GRB10: variants seen among roughly 807,000 people sequenced by gnomAD.
The protein encoded by GRB10 is growth factor receptor-bound protein 10.
A neutral mutation model predicts 80.9 loss-of-function variants in GRB10; 20 were observed. The observed-to-expected ratio is 0.25, with a 90% CI of 0.17 to 0.36. GRB10 has a LOEUF of 0.36. Among genes scored for constraint, GRB10 ranks in the 10% least tolerant of loss-of-function variants. The pLI is 1.00. For missense variants in GRB10, 548 were observed against 747.7 expected, an observed-to-expected ratio of 0.73 and a Z score of 3.12; for synonymous variants, 291 against 291.5, an observed-to-expected ratio of 1.00 and a Z score of 0.02.
intron 2 of GRB10, among the ~76,000 whole-genome samples, chr7:50,775,007 A>C (rs200937853): frequency 0.018 from 2,679 of 151,022 alleles, 42 homozygotes; most frequent in East Asian, 0.05. Flanking sequence ...AAACAAAAAA[A>C]AAAACTAGCT....
rs868071538 is a variant in GRB10, at chr7:50,676,341, G to C, written c.140-1683C>G. 4.4e-3 allele frequency among the ~76,000 whole-genome samples: 654 copies of C among 150,296 alleles called. 16 individuals carry two copies. The highest frequency in any genetic ancestry group is 8.9e-3 in the African/African-American group (366 of 41,326). On this transcript the variant is annotated intron_variant, in intron 5 of 18. Coordinates refer to ENST00000401949, the MANE Select transcript of GRB10 (RefSeq NM_001350814.2). ...GCAATAGTGTCCACCCCACCGGGGG[G>C]GGGGGGGGGTTGTAAGGACTAGGTT...
intron 4 of GRB10, among the ~76,000 whole-genome samples, chr7:50,730,379 T>C (rs2069469140): frequency 6.6e-6 from 1 of 152,232 alleles, no homozygotes; most frequent in Non-Finnish European, 1.5e-5. Flanking sequence ...GTTTTAAGAA[T>C]AAATTTTTCT....
intron 7 of GRB10, among the ~76,000 whole-genome samples, chr7:50,664,533 C>T (rs947430644): frequency 1.3e-5 from 2 of 152,210 alleles, no homozygotes; most frequent in East Asian, 3.9e-4. Flanking sequence ...GGCCCAAGTC[C>T]CAGGTCTCGG....
At chr7:50,785,271 G>A (rs2078645936), upstream of GRB10, among the ~76,000 whole-genome samples, 2 of 152,218 alleles carry the variant, frequency 1.3e-5, no homozygotes, top group African/African-American at 2.4e-5. Context: ...ATGTCCTTTT[G>A]AAAGTGGGAA....
chr7:50,752,605 G>A (rs1044968491), intron 3 of GRB10, among the ~76,000 whole-genome samples: 2 of 152,140 alleles, frequency 1.3e-5, no homozygotes, highest in Non-Finnish European at 2.9e-5. Flanking sequence ...TCATGATAAT[G>A]AGCCCTCCCC....
rs1221787092 is a variant in GRB10, at chr7:50,591,144, C to T, written c.*1808G>A. Reference sequence around the variant, plus strand: ...ATCTTACTGTCAATAGTTTGAAAGACTGACTGGCTGCGAAAGGAAGAAAAT... The same window carrying T: ...ATCTTACTGTCAATAGTTTGAAAGATTGACTGGCTGCGAAAGGAAGAAAAT... On this transcript the variant is annotated 3_prime_UTR_variant, in exon 19 of 19. Coordinates refer to ENST00000401949, the MANE Select transcript of GRB10 (RefSeq NM_001350814.2). 6.6e-6 allele frequency: 1 copy of T among 152,212 alleles called. No individual in the cohort carries two copies. Among genetic ancestry groups the T allele is most frequent in the Non-Finnish European group, 1.5e-5 (1 of 68,036 alleles). 9.4% of individuals were successfully genotyped at this position (152,212 alleles called of 1,614,324 possible). A position where few individuals can be genotyped will look rare whatever the true frequency, so the allele number is the denominator to read the frequency against.
At chr7:50,624,308 T>C (rs2052464744) in intron 8 of GRB10, among the ~76,000 whole-genome samples, 1 of 152,162 alleles carries the variant, frequency 6.6e-6, no homozygotes, top group Non-Finnish European at 1.5e-5. Context: ...AGGAATACCA[T>C]CCATGATAAA....
At chr7:50,694,082 G>A (rs2063152333) in intron 5 of GRB10, among the ~76,000 whole-genome samples, 1 of 152,158 alleles carries the variant, frequency 6.6e-6, no homozygotes, top group Non-Finnish European at 1.5e-5. Flanking sequence ...GCTCATGCCT[G>A]TAATCCCAGC....
In GRB10 at chr7:50,619,961, T is replaced by G. The variant is rs564279880; in HGVS notation, c.662-676A>C. 4.6e-5 allele frequency among the ~76,000 whole-genome samples: 7 copies of G among 152,316 alleles called. No individual in the cohort carries two copies. In the South Asian group the frequency reaches 8.3e-4, roughly 18 times the overall value. On this transcript the variant is annotated intron_variant, in intron 8 of 18. Coordinates refer to ENST00000401949, the MANE Select transcript of GRB10 (RefSeq NM_001350814.2). ...ACATGCACGTACGCACACGCCTCCT[T>G]CACAGCATCTTACATAGCAGCACTG...
intron 3 of GRB10, among the ~76,000 whole-genome samples, chr7:50,736,313 A>G (rs1188521474): frequency 3.3e-5 from 5 of 152,138 alleles, no homozygotes; most frequent in African/African-American, 9.7e-5. Flanking sequence ...CAAAATGAAC[A>G]ATAACAAAAA....
chr7:50,623,414 C>T (rs2052252448), intron 8 of GRB10, among the ~76,000 whole-genome samples: 1 of 152,238 alleles, frequency 6.6e-6, no homozygotes, highest in Non-Finnish European at 1.5e-5. Flanking sequence ...CAGGAGCTAA[C>T]GCTGGGAAGG....
chr7:50,681,220 T>C (rs2237483), intron 5 of GRB10, among the ~76,000 whole-genome samples: 32,033 of 152,176 alleles, frequency 0.21, 4,127 homozygotes, highest in East Asian at 0.51. Flanking sequence ...GCACAGCTCA[T>C]GAGCTGCCTG....
In GRB10 at chr7:50,662,997, T is replaced by C. The variant is rs531760859; in HGVS notation, c.504+6725A>G. 3.3e-5 allele frequency among the ~76,000 whole-genome samples: 5 copies of C among 152,380 alleles called. No individual in the cohort carries two copies. In the South Asian group the frequency reaches 8.3e-4, roughly 25 times the overall value. Reference sequence around the variant, plus strand: ...TTCTCTTCCATAACATAGATTCATTTGTTGATTCATTACATTTTCAGTTAT... The same window carrying C: ...TTCTCTTCCATAACATAGATTCATTCGTTGATTCATTACATTTTCAGTTAT... On this transcript the variant is annotated intron_variant, in intron 7 of 18. Transcript: ENST00000401949.
chr7:50,682,555 C>G (rs1368011253), intron 5 of GRB10, among the ~76,000 whole-genome samples: 2 of 152,168 alleles, frequency 1.3e-5, no homozygotes, highest in Non-Finnish European at 2.9e-5. Context: ...TGCTTTTTAT[C>G]TTTCAGGCCT....
At chr7:50,792,521 G>A (rs1388802782) in intron 1 of GRB10, 5 of 398,470 alleles carry the variant, frequency 1.3e-5, no homozygotes, top group Non-Finnish European at 2.2e-5. Context: ...GCGAAGAGTT[G>A]CATCAGAAAT....
intron 7 of GRB10, among the ~76,000 whole-genome samples, chr7:50,662,188 G>A (rs1586553657): frequency 1.3e-5 from 2 of 152,294 alleles, no homozygotes; most frequent in South Asian, 2.1e-4. Context: ...GGCAGTCCCA[G>A]GCTGGTGCAT....
chr7:50,704,056 T>C, intron 4 of GRB10, 148 bp from the exon 5 acceptor site: 1 of 645,274 alleles, frequency 1.5e-6, no homozygotes, highest in East Asian at 3.2e-5. Context: ...CAATGATAGT[T>C]GTTGAAAACA....
intron 17 of GRB10, among the ~76,000 whole-genome samples, chr7:50,597,637 C>T (rs182991324): frequency 2.6e-5 from 4 of 152,342 alleles, no homozygotes; most frequent in East Asian, 1.9e-4. Flanking sequence ...CCGAGAGGGA[C>T]GTGTACCCCT....
At chr7:50,630,730 A>T (rs1364396023) in intron 7 of GRB10, among the ~76,000 whole-genome samples, 1 of 152,232 alleles carries the variant, frequency 6.6e-6, no homozygotes, top group Non-Finnish European at 1.5e-5. Flanking sequence ...TAAAACGGCA[A>T]TATTAAAGAG....
Sources: gnomAD v4.1 joint callset for allele counts (sites outside exome capture counted in the v4.1 genomes callset) on GRCh38, gnomAD v4.1.1 for gene constraint, MANE v1.5 for transcripts, NCBI Gene and HGNC (gene_info 2026-07-23, HGNC 2026-07-21) for gene names.